Variants in WWOX observed in about 807,000 individuals in gnomAD.
The protein encoded by WWOX is WW domain containing oxidoreductase.
In WWOX, 69 loss-of-function variants were observed where a neutral mutation model predicts 46.2. That is an observed-to-expected ratio of 1.49 (90% CI 1.23 to 1.82). The LOEUF is 1.82. WWOX is among the 40% of genes most tolerant of loss of function. The pLI, the probability that WWOX is intolerant of heterozygous loss-of-function variation, is 0.00. For missense variants in WWOX, 919 were observed against 542.6 expected (o/e 1.69, Z -6.89); for synonymous variants, 359 against 202.6 (o/e 1.77, Z -6.56).
intron 8 of WWOX, among the ~76,000 whole-genome samples, chr16:78,661,500 T>G (rs1384932897): frequency 6.6e-6 from 1 of 152,174 alleles, no homozygotes; most frequent in Non-Finnish European, 1.5e-5. Context: ...CTGGATTTGA[T>G]CATTCCTTAT....
chr16:78,288,047 G>A (rs1293612977), intron 5 of WWOX, among the ~76,000 whole-genome samples: 1 of 151,912 alleles, frequency 6.6e-6, no homozygotes, highest in Admixed American at 6.6e-5. Context: ...CTTTAATTTA[G>A]CCATTTCTAA....
At chr16:79,054,523 A>G (rs1231085805) in intron 8 of WWOX, among the ~76,000 whole-genome samples, 1 of 152,186 alleles carries the variant, frequency 6.6e-6, no homozygotes, top group Non-Finnish European at 1.5e-5. Context: ...CTAATTACAG[A>G]TTTTAAAAGA....
intron 8 of WWOX, among the ~76,000 whole-genome samples, chr16:78,765,669 A>ACT (rs1195157856): frequency 5.3e-5 from 8 of 151,792 alleles, no homozygotes; most frequent in Admixed American, 1.3e-4. Context: ...ACAGAGTGAG[A>ACT]CTCTGTCTAA....
Position 78,164,181 on chromosome 16 carries a change from A to G in WWOX, c.410-2A>G, listed in dbSNP as rs1321910423. ...TAACATTGACTTTCCTTTAAACCAT[A>G]GGGTTCGAAACCGCCAAGTCTTTTG... On this transcript the variant is annotated splice_acceptor_variant, in intron 4 of 8. Transcript: ENST00000566780. LOFTEE classifies it high-confidence loss of function. The G allele has an allele frequency of 1.2e-6, 2 of 1,613,524 alleles. No individual in the cohort carries two copies. The highest frequency in any genetic ancestry group is 1.7e-5 in the Admixed American group (1 of 59,928).
At chr16:78,828,162 T>C (rs1402734992) in intron 8 of WWOX, among the ~76,000 whole-genome samples, 1 of 152,152 alleles carries the variant, frequency 6.6e-6, no homozygotes, top group Non-Finnish European at 1.5e-5. Flanking sequence ...AGAGGCCAGC[T>C]AATCTAATCT....
chr16:78,688,872 T>A (rs2047922595), intron 8 of WWOX, among the ~76,000 whole-genome samples: 1 of 152,114 alleles, frequency 6.6e-6, no homozygotes. Flanking sequence ...GTTTTCATGG[T>A]AGGGAGTGAG....
At chr16:78,784,444 G>C (rs2050406082) in intron 8 of WWOX, among the ~76,000 whole-genome samples, 1 of 151,954 alleles carries the variant, frequency 6.6e-6, no homozygotes, top group African/African-American at 2.4e-5. Flanking sequence ...GGTGAGTGAA[G>C]TTCTTACCCA....
intron 8 of WWOX, among the ~76,000 whole-genome samples, chr16:78,849,446 C>T (rs1373018235): frequency 2.0e-5 from 3 of 151,520 alleles, no homozygotes; most frequent in African/African-American, 7.3e-5. Context: ...TGGTGGCGGG[C>T]GCCTGTAGTC....
At chr16:79,018,992 A>T (rs1207854028) in intron 8 of WWOX, among the ~76,000 whole-genome samples, 1 of 151,632 alleles carries the variant, frequency 6.6e-6, no homozygotes, top group African/African-American at 2.4e-5. Context: ...CTCTACAAAA[A>T]ATTTTAAAAA....
intron 8 of WWOX, among the ~76,000 whole-genome samples, chr16:78,924,032 G>C (rs545360395): frequency 1.9e-4 from 29 of 152,102 alleles, no homozygotes; most frequent in Admixed American, 1.4e-3. Context: ...AGCCAAGGAT[G>C]GTTTTGATAT....
In WWOX at chr16:78,342,216, C is replaced by G. The variant is rs1036901837; in HGVS notation, c.517-44644C>G. Among the ~76,000 whole-genome samples the G allele has an allele frequency of 2.5e-5, 3 of 121,336 alleles. 1 individual carries two copies. The highest frequency in any genetic ancestry group is 3.9e-5 in the Non-Finnish European group (2 of 50,700). 79.6% of individuals were successfully genotyped at this position (121,336 alleles called of 152,430 possible). A position where few individuals can be genotyped will look rare whatever the true frequency, so the allele number is the denominator to read the frequency against. On this transcript the variant is annotated intron_variant, in intron 5 of 8. Transcript: ENST00000566780. ...GGGGACCTTTCTGGGGTCTTTTAGT[C>G]AGGGTACATAAGTGTCAGCTGCTAC...
intron 4 of WWOX, among the ~76,000 whole-genome samples, chr16:78,125,465 C>T (rs1004797608): frequency 3.3e-5 from 5 of 152,092 alleles, no homozygotes; most frequent in African/African-American, 4.8e-5. Flanking sequence ...TATTTAAACC[C>T]GTGAAGCCTC....
At chr16:78,998,615 T>A (rs1283144822) in intron 8 of WWOX, among the ~76,000 whole-genome samples, 1 of 152,196 alleles carries the variant, frequency 6.6e-6, no homozygotes, top group Non-Finnish European at 1.5e-5. Context: ...GTATATACAA[T>A]AGGTGTAATA....
intron 8 of WWOX, among the ~76,000 whole-genome samples, chr16:79,138,031 T>A (rs995458573): frequency 6.6e-6 from 1 of 152,198 alleles, no homozygotes; most frequent in African/African-American, 2.4e-5. Flanking sequence ...CCAAACTGTT[T>A]CCATGGACCC....
chr16:78,682,015 G>A (rs1228971321), intron 8 of WWOX, among the ~76,000 whole-genome samples: 4 of 152,172 alleles, frequency 2.6e-5, no homozygotes, highest in Non-Finnish European at 5.9e-5. Flanking sequence ...ATTTTTAAAA[G>A]TCTTTTCATT....
In WWOX at chr16:78,287,069, C is replaced by T. The variant is rs62035709; in HGVS notation, c.517-99791C>T. 4.9e-3 allele frequency among the ~76,000 whole-genome samples: 751 copies of T among 152,196 alleles called. 5 individuals carry two copies. Among genetic ancestry groups the T allele is most frequent in the South Asian group, 0.028 (133 of 4,828 alleles). On this transcript the variant is annotated intron_variant, in intron 5 of 8. Coordinates refer to ENST00000566780, the MANE Select transcript of WWOX (RefSeq NM_016373.4). ...GGGAATTAGCCATTTGGTAATACAA[C>T]GGGACAAGCTTATGGTAGGTCTGAC...
chr16:78,309,769 A>G (rs1440273514), intron 5 of WWOX, among the ~76,000 whole-genome samples: 2 of 152,212 alleles, frequency 1.3e-5, no homozygotes, highest in Non-Finnish European at 2.9e-5. Context: ...AAATGAAAGG[A>G]TGATGGGAGA....
chr16:78,326,340 T>C (rs963311708), intron 5 of WWOX, among the ~76,000 whole-genome samples: 3 of 152,228 alleles, frequency 2.0e-5, no homozygotes, highest in Non-Finnish European at 2.9e-5. Context: ...GTATATGATA[T>C]GCCAATTTGG....
At chr16:78,520,467 C>G (rs375999917) in intron 8 of WWOX, among the ~76,000 whole-genome samples, 10 of 152,218 alleles carry the variant, frequency 6.6e-5, no homozygotes, top group East Asian at 3.9e-4. Flanking sequence ...ATTTTGCAGA[C>G]AAGTATTAGA....
Sources: allele counts gnomAD v4.1 joint callset (sites outside exome capture counted in the v4.1 genomes callset), GRCh38; gene constraint gnomAD v4.1.1; transcripts MANE v1.5; gene names NCBI Gene and HGNC (gene_info 2026-07-23, HGNC 2026-07-21).